The following PCLO variants were observed in gnomAD, a reference collection of about 807,000 sequenced individuals.
PCLO encodes the protein piccolo presynaptic cytomatrix protein, also known as protein piccolo.
A neutral mutation model predicts 427.5 loss-of-function variants in PCLO; 82 were observed. That is an observed-to-expected ratio of 0.19 (90% CI 0.16 to 0.23). The LOEUF (loss-of-function observed/expected upper bound fraction) is 0.23. PCLO is among the 10% of genes least tolerant of loss of function. The pLI is 1.00. For synonymous variants in PCLO, 2,357 were observed against 2,155.4 expected (o/e 1.09, Z -2.59); for missense variants, 6,239 against 6,115.9 (o/e 1.02, Z -0.67).
chr7:83,132,987 A>T (rs1259851778), intron 3 of PCLO, among the ~76,000 whole-genome samples: 2 of 152,016 alleles, frequency 1.3e-5, no homozygotes, highest in Non-Finnish European at 2.9e-5. Context: ...TGAAGTCCTA[A>T]GAGAAACCAA....
chr7:82,860,459 A>C (rs1374019690), intron 10 of PCLO, among the ~76,000 whole-genome samples: 1 of 152,134 alleles, frequency 6.6e-6, no homozygotes, highest in Non-Finnish European at 1.5e-5. Context: ...ATGTCTGGTA[A>C]AAATACCCTT....
chr7:83,128,854 G>GA (rs752823817), intron 3 of PCLO, among the ~76,000 whole-genome samples: 1 of 152,064 alleles, frequency 6.6e-6, no homozygotes, highest in East Asian at 1.9e-4. Flanking sequence ...GACTTAGCTG[G>GA]AAAAAACAAT....
intron 10 of PCLO, among the ~76,000 whole-genome samples, chr7:82,847,695 T>A (rs941013559): frequency 2.0e-5 from 3 of 152,208 alleles, no homozygotes; most frequent in Non-Finnish European, 4.4e-5. Context: ...TCATTTGGAT[T>A]TCTCCATTTC....
intron 20 of PCLO, chr7:82,821,366 T>C: frequency 1.0e-6 from 1 of 985,912 alleles, no homozygotes; most frequent in Non-Finnish European, 1.2e-6. Context: ...ATGTTATTCA[T>C]GCAAACAGAA....
chr7:82,833,324 G>A (rs978355478), intron 16 of PCLO, among the ~76,000 whole-genome samples: 3 of 152,040 alleles, frequency 2.0e-5, no homozygotes, highest in African/African-American at 4.8e-5. Context: ...TTTTCACTTC[G>A]CTCAACAGTG....
intron 3 of PCLO, among the ~76,000 whole-genome samples, chr7:83,055,486 C>G (rs1789356589): frequency 2.0e-5 from 3 of 152,080 alleles, no homozygotes; most frequent in African/African-American, 7.2e-5. Flanking sequence ...CTATTGCCCC[C>G]AACATTGCAT....
At chr7:82,843,971 G>A (rs1045473001) in intron 13 of PCLO, among the ~76,000 whole-genome samples, 2 of 151,724 alleles carry the variant, frequency 1.3e-5, no homozygotes, top group Non-Finnish European at 2.9e-5. Context: ...AGGCCACAAT[G>A]TATACATATT....
chr7:83,016,349 G>A (rs113823976), intron 3 of PCLO, among the ~76,000 whole-genome samples: 2 of 152,268 alleles, frequency 1.3e-5, no homozygotes, highest in African/African-American at 4.8e-5. Context: ...TTCAATTACT[G>A]TAAGAAGAAC....
At chr7:83,120,142 C>T (rs1380747770) in intron 3 of PCLO, among the ~76,000 whole-genome samples, 2 of 151,946 alleles carry the variant, frequency 1.3e-5, no homozygotes, top group African/African-American at 4.8e-5. Flanking sequence ...GTGGTTCATG[C>T]CTGTAATCCC....
At chr7:83,144,106 A>G (rs898541883) in intron 2 of PCLO, among the ~76,000 whole-genome samples, 3 of 152,210 alleles carry the variant, frequency 2.0e-5, no homozygotes, top group Non-Finnish European at 4.4e-5. Flanking sequence ...TGACTTAAGA[A>G]GGAAATAAAC....
rs887558762 is a variant in PCLO at position 82,954,202 on chromosome 7, C to G, written c.6751G>C (p.Ala2251Pro). ...EEISVSLDRTAPPDGRASADH... is the reference protein window; with the variant it reads ...EEISVSLDRTPPPDGRASADH... Reference sequence around the variant, plus strand: ...GCACTAGCTCTACCATCTGGTGGGGCAGTCCGATCTAAAGATACACTTATT... The same window carrying G: ...GCACTAGCTCTACCATCTGGTGGGGGAGTCCGATCTAAAGATACACTTATT... Residue 2251 changes from alanine to proline, a missense_variant, in exon 5 of 25, where the codon GCC becomes CCC. Coordinates refer to ENST00000333891, the MANE Select transcript of PCLO (RefSeq NM_033026.6). The G allele has an allele frequency of 1.2e-6, 2 of 1,613,292 alleles. No homozygotes were observed. The highest frequency in any genetic ancestry group is 2.7e-5 in the African/African-American group (2 of 74,904).
At position 82,949,751 on chromosome 7, in the gene PCLO, C is replaced by A. The variant is rs370030206; in HGVS notation, c.10837G>T (p.Ala3613Ser). 6.0e-5 allele frequency: 97 copies of A among 1,613,528 alleles called. No individual in the cohort carries two copies. Among genetic ancestry groups the A allele is most frequent in the Non-Finnish European group, 7.5e-5 (88 of 1,179,808 alleles). Residue 3613 changes from alanine to serine, a missense_variant, in exon 6 of 25, where the codon GCT becomes TCT. Ala to Ser is a moderately conservative substitution (Grantham distance 99). Transcript: ENST00000333891. ...HLRADSTVQL[A>S]PSPPKSPKVL... The stretch of plus-strand genomic sequence containing the variant: ...TTGGGGGATTTGGGTGGGGAAGGAG[C>A]CAGCTGTACTGTGGAATCTGCCCGG...
rs1370590887 is a variant in PCLO, at chr7:83,154,988, A to C, written c.1653T>G (p.Ala551=). ...GGCTTACTGGTTTTGTAGATTGCTG[A>C]GCCGAGGGCTTTGCTGGGCTAGGCT... ...AQQPSPAKPS[A]QQSTKPVSQT... is the part of the protein sequence containing the mutation. Residue 551 remains alanine (A), a synonymous_variant, in exon 2 of 25, where the codon GCT becomes GCG. Coordinates refer to ENST00000333891, the MANE Select transcript of PCLO (RefSeq NM_033026.6). 5 of 1,613,908 alleles carry C rather than the reference A, an allele frequency of 3.1e-6. No individual in the cohort carries two copies. The East Asian group carries it at 1.1e-4, about 36-fold the overall frequency.
At position 82,950,202 on chromosome 7, in the gene PCLO, CCTT is replaced by C. The variant is rs759531489; in HGVS notation, c.10383_10385del (p.Arg3463del). The C allele has an allele frequency of 3.1e-5, 50 of 1,612,170 alleles. No individual in the cohort carries two copies. The highest frequency in any genetic ancestry group is 3.6e-5 in the Non-Finnish European group (42 of 1,179,654). ...TTGTATCCACACTCTTTTTAGTTCTCCTTCTCCTACTCACATAGCTCCGATCTG... is the reference window on the plus strand; with the variant it reads ...TTGTATCCACACTCTTTTTAGTTCTCCTCCTACTCACATAGCTCCGATCTG... On this transcript the variant is annotated inframe_deletion, in exon 6 of 25. Coordinates refer to ENST00000333891, the MANE Select transcript of PCLO (RefSeq NM_033026.6).
intron 10 of PCLO, among the ~76,000 whole-genome samples, chr7:82,861,596 A>G (rs899013213): frequency 3.3e-5 from 5 of 151,784 alleles, no homozygotes; most frequent in African/African-American, 1.2e-4. Context: ...AGACAAAGAA[A>G]CATGAGACTT....
intron 10 of PCLO, among the ~76,000 whole-genome samples, chr7:82,866,528 A>G (rs1022744086): frequency 2.0e-5 from 3 of 152,080 alleles, no homozygotes; most frequent in African/African-American, 7.2e-5. Flanking sequence ...GCATTCAGCA[A>G]ACTCAAGTGC....
At position 83,135,328 on chromosome 7, in the gene PCLO, G is replaced by A. The variant is rs1791696116; in HGVS notation, c.2222C>T (p.Pro741Leu). The A allele has an allele frequency of 6.2e-7, 1 of 1,613,786 alleles. No homozygotes were observed. The highest frequency in any genetic ancestry group is 1.3e-5 in the African/African-American group (1 of 74,896). The change falls in exon 3 of 25, where the codon CCA (proline) becomes CTA (leucine). Residue 741 changes from proline (P) to leucine (L), a missense_variant. This residue lies in a region of PCLO where 4,677 missense variants were observed against 4,468.4 expected (regional missense o/e 1.05). Coordinates refer to ENST00000333891, the MANE Select transcript of PCLO (RefSeq NM_033026.6). The stretch of plus-strand genomic sequence containing the variant: ...AACAGGGGCCTTGTCCTGCTCAGAT[G>A]GGACAGAAGGTTCTTTGGGAGGGGC... Reference protein sequence around the residue: ...KPAPPKEPSVPSEQDKAPVAD... With the variant: ...KPAPPKEPSVLSEQDKAPVAD...
At position 83,096,099 on chromosome 7, in the gene PCLO, A is replaced by G. The variant is rs146801236; in HGVS notation, c.3300+38151T>C. ...TTCAACTTTCTAACTCTATCCTCTG[A>G]GATTTTATACATTATTAATAGTATA... On this transcript the variant is annotated intron_variant, in intron 3 of 24. Transcript: ENST00000333891. Among the ~76,000 whole-genome samples, 412 of 152,210 alleles carry G rather than the reference A, an allele frequency of 2.7e-3. 2 individuals are homozygous for G. The highest frequency in any genetic ancestry group is 9.5e-3 in the African/African-American group (396 of 41,550).
At chr7:82,911,145 C>A (rs1311851504) in intron 7 of PCLO, among the ~76,000 whole-genome samples, 2 of 152,010 alleles carry the variant, frequency 1.3e-5, no homozygotes, top group Non-Finnish European at 2.9e-5. Flanking sequence ...CAATTTATTA[C>A]CAATAATTCT....
Sources: allele counts gnomAD v4.1 joint callset (sites outside exome capture counted in the v4.1 genomes callset), GRCh38; gene constraint gnomAD v4.1.1; regional missense constraint gnomAD v4.1.1; transcripts MANE v1.5; gene names NCBI Gene and HGNC (gene_info 2026-07-23, HGNC 2026-07-21).